The following ARHGAP12 variants were observed in gnomAD, a reference collection of about 807,000 sequenced individuals.
ARHGAP12 encodes the protein rho GTPase-activating protein 12.
Under a neutral mutation model 108.6 loss-of-function variants are expected in ARHGAP12, and 64 were observed. The ratio of observed to expected loss-of-function variants is 0.59; its 90% CI spans 0.48 to 0.73. The LOEUF (loss-of-function observed/expected upper bound fraction) is 0.73, where lower values mean the gene tolerates loss of function less well. ARHGAP12 is among the 30% of genes least tolerant of loss of function. The pLI is 0.00. For synonymous variants in ARHGAP12, 312 were observed against 337.2 expected (o/e 0.93, Z 0.82); for missense variants, 940 against 1,005.9 (o/e 0.93, Z 0.89).
At chr10:31,874,971 C>CT (rs1458786558) in intron 3 of ARHGAP12, among the ~76,000 whole-genome samples, 17 of 34,334 alleles carry the variant, frequency 5.0e-4, no homozygotes, top group African/African-American at 1.7e-3. Context: ...AAGACTCTGT[C>CT]TCAAAAAAAA....
At chr10:31,903,193 C>T (rs1838998256) in intron 3 of ARHGAP12, among the ~76,000 whole-genome samples, 2 of 152,198 alleles carry the variant, frequency 1.3e-5, no homozygotes, top group South Asian at 4.1e-4. Flanking sequence ...TAGCCTACTA[C>T]ACACCTAAGT....
chr10:31,889,996 A>AC (rs754351445), intron 3 of ARHGAP12, among the ~76,000 whole-genome samples: 154 of 152,192 alleles, frequency 1.0e-3, no homozygotes, highest in Non-Finnish European at 1.8e-3. Flanking sequence ...CTAATCTCCA[A>AC]CACTGCCTGT....
intron 3 of ARHGAP12, among the ~76,000 whole-genome samples, chr10:31,889,462 T>TCAC (rs1225380458): frequency 6.6e-6 from 1 of 152,098 alleles, no homozygotes; most frequent in Non-Finnish European, 1.5e-5. Context: ...AATACAAAGT[T>TCAC]CACCTTTGCA....
intron 11 of ARHGAP12, among the ~76,000 whole-genome samples, chr10:31,822,250 G>C (rs149118602): frequency 2.6e-4 from 40 of 152,332 alleles, no homozygotes; most frequent in African/African-American, 9.4e-4. Flanking sequence ...TACAGTGACA[G>C]CTGAAACAGG....
chr10:31,861,794 T>C (rs1351923893), intron 3 of ARHGAP12, 136 bp from the exon 4 acceptor site: 3 of 843,580 alleles, frequency 3.6e-6, no homozygotes, highest in African/African-American at 3.5e-5. Context: ...TCTGAGGAAA[T>C]AATAATTTAA....
intron 9 of ARHGAP12, among the ~76,000 whole-genome samples, chr10:31,833,080 T>C (rs187394563): frequency 1.1e-3 from 171 of 151,872 alleles, no homozygotes; most frequent in African/African-American, 3.8e-3. Flanking sequence ...CTCATAAACC[T>C]TCATGTTGAG....
chr10:31,836,796 A>T (rs1399403316), intron 9 of ARHGAP12, among the ~76,000 whole-genome samples: 1 of 152,196 alleles, frequency 6.6e-6, no homozygotes, highest in Non-Finnish European at 1.5e-5. Context: ...AGAGGGAGTG[A>T]AGAGATGTCA....
At chr10:31,924,168 C>T (rs754220696) in intron 1 of ARHGAP12, among the ~76,000 whole-genome samples, 1 of 152,162 alleles carries the variant, frequency 6.6e-6, no homozygotes, top group African/African-American at 2.4e-5. Flanking sequence ...GTTAAACATA[C>T]GCTTACTACA....
At chr10:31,848,114 A>G (rs575604059) in intron 6 of ARHGAP12, among the ~76,000 whole-genome samples, 9 of 152,240 alleles carry the variant, frequency 5.9e-5, no homozygotes, top group East Asian at 5.8e-4. Flanking sequence ...GCCCATTTCA[A>G]TACTCTCCTT....
intron 3 of ARHGAP12, among the ~76,000 whole-genome samples, chr10:31,883,097 A>G (rs1388308896): frequency 6.6e-6 from 1 of 152,040 alleles, no homozygotes; most frequent in Non-Finnish European, 1.5e-5. Flanking sequence ...GGAGTTTGAG[A>G]CCAGCCTGAT....
chr10:31,817,549 A>G (rs1328650919), intron 13 of ARHGAP12, among the ~76,000 whole-genome samples: 4 of 152,192 alleles, frequency 2.6e-5, no homozygotes, highest in African/African-American at 9.7e-5. Context: ...TTTTCAGCCA[A>G]TGCCTGATGT....
chr10:31,849,853 T>TTTTTTTCATTAAAG (rs1364603574), intron 6 of ARHGAP12, among the ~76,000 whole-genome samples: 6 of 152,170 alleles, frequency 3.9e-5, no homozygotes, highest in African/African-American at 9.7e-5. Flanking sequence ...CTCTTGCCTC[T>TTTTTTTCATTAAAG]CCTCTTTTTT....
intron 1 of ARHGAP12, among the ~76,000 whole-genome samples, chr10:31,923,882 A>G (rs761776234): frequency 6.6e-6 from 1 of 152,216 alleles, no homozygotes; most frequent in Non-Finnish European, 1.5e-5. Context: ...AGGTATATAC[A>G]TATGTCAAAA....
At chr10:31,871,327 C>A (rs1837535943) in intron 3 of ARHGAP12, among the ~76,000 whole-genome samples, 1 of 152,110 alleles carries the variant, frequency 6.6e-6, no homozygotes, top group Non-Finnish European at 1.5e-5. Flanking sequence ...ATGGTAAACA[C>A]ATAATTTGCC....
chr10:31,840,062 T>G (rs1218765345), intron 7 of ARHGAP12, among the ~76,000 whole-genome samples: 1 of 152,058 alleles, frequency 6.6e-6, no homozygotes, highest in Non-Finnish European at 1.5e-5. Flanking sequence ...TAAGTTATAA[T>G]CATGATACTA....
At chr10:31,824,335 A>G (rs141953641) in intron 11 of ARHGAP12, among the ~76,000 whole-genome samples, 232 of 152,316 alleles carry the variant, frequency 1.5e-3, no homozygotes, top group African/African-American at 5.4e-3. Flanking sequence ...TATTAATACT[A>G]TATCAATAGT....
chr10:31,891,269 T>C (rs1838417905), intron 3 of ARHGAP12, among the ~76,000 whole-genome samples: 1 of 152,212 alleles, frequency 6.6e-6, no homozygotes. Context: ...TGAATATATA[T>C]GCCAACATAA....
intron 11 of ARHGAP12, among the ~76,000 whole-genome samples, chr10:31,825,611 G>A (rs1307447263): frequency 6.6e-6 from 1 of 152,070 alleles, no homozygotes; most frequent in Non-Finnish European, 1.5e-5. Context: ...GACGGGGGAA[G>A]GGCGAAATCA....
At chr10:31,906,893 A>T (rs1351515106) in intron 3 of ARHGAP12, among the ~76,000 whole-genome samples, 1 of 152,152 alleles carries the variant, frequency 6.6e-6, no homozygotes, top group African/African-American at 2.4e-5. Flanking sequence ...AAATATAGAA[A>T]AATTCCAGGA....
Sources: allele counts gnomAD v4.1 joint callset (sites outside exome capture counted in the v4.1 genomes callset), GRCh38; gene constraint gnomAD v4.1.1; transcripts MANE v1.5; gene names NCBI Gene and HGNC (gene_info 2026-07-23, HGNC 2026-07-21).